The following DLG5 variants were observed in gnomAD, a reference collection of about 807,000 sequenced individuals.
DLG5 encodes discs large MAGUK scaffold protein 5, also known as disks large homolog 5.
A neutral mutation model predicts 189.8 loss-of-function variants in DLG5; 48 were observed. The observed-to-expected ratio is 0.25, with a 90% CI of 0.20 to 0.32. The LOEUF (loss-of-function observed/expected upper bound fraction) is 0.32. Ranked by LOEUF, DLG5 falls within the 10% of genes least tolerant of loss-of-function variation. The probability of loss-of-function intolerance (pLI) is 1.00; values close to 1 mark genes in which losing one functional copy is unlikely to be tolerated. For missense variants in DLG5, 2,160 were observed against 2,544.7 expected (o/e 0.85, Z 3.25); for synonymous variants, 1,016 against 1,054.1 (o/e 0.96, Z 0.70).
At position 77,833,995 on chromosome 10, in the gene DLG5, C is replaced by T; in HGVS notation, c.1667G>A (p.Ser556Asn). 2.5e-6 allele frequency: 4 copies of T among 1,609,018 alleles called. No homozygotes were observed. The highest frequency in any genetic ancestry group is 2.5e-6 in the Non-Finnish European group (3 of 1,179,962). The change falls in exon 9 of 32, where the codon AGC becomes AAC. Residue 556 changes from serine (S) to asparagine (N), a missense_variant. Ser to Asn is a conservative substitution (Grantham distance 46). Coordinates refer to ENST00000372391, the MANE Select transcript of DLG5 (RefSeq NM_004747.4). ...GCTGCGCAGGGCCTCAGCCAGCTCGCTCACCGCACGGTCCCGCTCCCGCCT... is the reference window on the plus strand; with the variant it reads ...GCTGCGCAGGGCCTCAGCCAGCTCGTTCACCGCACGGTCCCGCTCCCGCCT... ...NLRRERDRAV[S>N]ELAEALRSLD...
intron 2 of DLG5, chr10:77,868,664 T>G: frequency 4.5e-6 from 1 of 223,016 alleles, no homozygotes; most frequent in Non-Finnish European, 8.9e-6. Context: ...GAGAAACCAC[T>G]GCGGCCTTCC....
At chr10:77,893,903 T>C (rs925482403) in intron 1 of DLG5, among the ~76,000 whole-genome samples, 6 of 152,178 alleles carry the variant, frequency 3.9e-5, no homozygotes, top group Admixed American at 3.9e-4. Flanking sequence ...CACTCCCTAC[T>C]GTCTCCCTAC....
At chr10:77,887,777 A>G (rs899495055) in intron 1 of DLG5, among the ~76,000 whole-genome samples, 3 of 152,238 alleles carry the variant, frequency 2.0e-5, no homozygotes, top group Non-Finnish European at 4.4e-5. Context: ...ATCTATTTTT[A>G]AAGTCACGTT....
At chr10:77,829,625 G>A (rs1842807263) in intron 11 of DLG5, 95 bp from the exon 12 acceptor site, 1 of 1,417,234 alleles carries the variant, frequency 7.1e-7, no homozygotes, top group Admixed American at 2.2e-5. Flanking sequence ...CTGCCAAGGA[G>A]TGGGTGCCTC....
In DLG5 at chr10:77,853,371, G is replaced by A; in HGVS notation, c.847C>T (p.Arg283Cys). The A allele has an allele frequency of 2.5e-6, 4 of 1,575,150 alleles. No individual in the cohort carries two copies. The highest frequency in any genetic ancestry group is 1.3e-5 in the African/African-American group (1 of 74,514). Reference sequence around the variant, plus strand: ...GGGCCTACCTGCTGCTGCTGGGCACGGAGGTCACCGATCTCCTTCTGGTCC... The same window carrying A: ...GGGCCTACCTGCTGCTGCTGGGCACAGAGGTCACCGATCTCCTTCTGGTCC... ...EEDQKEIGDL[R>C]AQQQQVLKHN... is the part of the protein sequence containing the mutation. The change falls in exon 5 of 32, where the codon CGT (arginine) becomes TGT (cysteine). Residue 283 changes from arginine (R) to cysteine (C), a missense_variant. Transcript: ENST00000372391.
chr10:77,845,674 G>C (rs1225039028), intron 5 of DLG5, among the ~76,000 whole-genome samples: 1 of 150,880 alleles, frequency 6.6e-6, no homozygotes, highest in Non-Finnish European at 1.5e-5. Context: ...AGGAGGGAGG[G>C]AGAGAGGGAG....
In DLG5 at chr10:77,809,485, T is replaced by C. The variant is rs57363476; in HGVS notation, c.4647+62A>G. 5.7e-3 allele frequency: 8,656 copies of C among 1,525,514 alleles called. 421 individuals carry two copies. In the African/African-American group the frequency reaches 0.11, roughly 19 times the overall value. 94.5% of individuals were successfully genotyped at this position (1,525,514 alleles called of 1,614,324 possible). ...CCTCCGTCTTTGGTGCCACCTGAGA[T>C]GGCAGCAAGCCCACTGTGCAGGTAG... On this transcript the variant is annotated intron_variant, in intron 24 of 31. Coordinates refer to ENST00000372391, the MANE Select transcript of DLG5 (RefSeq NM_004747.4).
intron 6 of DLG5, 96 bp from the exon 7 acceptor site, chr10:77,842,289 A>G (rs1326891574): frequency 1.4e-6 from 2 of 1,424,652 alleles, no homozygotes; most frequent in South Asian, 1.3e-5. Flanking sequence ...ACTGTGCTGG[A>G]CAGTCAAGCG....
rs34954112 is a variant in DLG5, at chr10:77,926,038, G to A, written c.304+179C>T. 0.26 allele frequency among the ~76,000 whole-genome samples: 39,633 copies of A among 152,034 alleles called. 5,689 individuals are homozygous for A. The highest frequency in any genetic ancestry group is 0.39 in the Admixed American group (5,974 of 15,290). ...ATTGTTCACAGCGAACGGCGGGACT[G>A]GGGGAGGCGGCGGGACTTCGGGATC... On this transcript the variant is annotated intron_variant, in intron 1 of 31. Transcript: ENST00000372391. The surrounding 1 kb of genome is among the most constrained non-coding windows in gnomAD (Gnocchi z 5.2).
In DLG5 at chr10:77,815,790, T is replaced by C. The variant is rs189751139; in HGVS notation, c.4025+761A>G. The stretch of plus-strand genomic sequence containing the variant: ...CTTTTGGTGATTAAATAAAAGTAAG[T>C]TTATCAGAGCTCTTTAAGATCTACA... On this transcript the variant is annotated intron_variant, in intron 20 of 31. Coordinates refer to ENST00000372391, the MANE Select transcript of DLG5 (RefSeq NM_004747.4). 2.6e-4 allele frequency among the ~76,000 whole-genome samples: 39 copies of C among 152,294 alleles called. No homozygotes were observed. In the East Asian group the frequency reaches 6.4e-3, roughly 25 times the overall value.
intron 1 of DLG5, among the ~76,000 whole-genome samples, chr10:77,881,025 T>G (rs1845265962): frequency 7.6e-6 from 1 of 131,638 alleles, no homozygotes; most frequent in South Asian, 2.5e-4. Context: ...CAGGCTGGAG[T>G]GCAGTGGTGT....
chr10:77,816,311 G>C, intron 20 of DLG5: 1 of 705,030 alleles, frequency 1.4e-6, no homozygotes, highest in South Asian at 1.5e-5. Flanking sequence ...ATCACCGTCA[G>C]GTCATTTCCA....
At chr10:77,869,602 T>G (rs1186176621) in intron 1 of DLG5, 1 of 225,412 alleles carries the variant, frequency 4.4e-6, no homozygotes, top group Non-Finnish European at 8.6e-6. Context: ...AAAGAACAAC[T>G]GAACTATCTG....
chr10:77,887,312 C>A (rs1457996612), intron 1 of DLG5, among the ~76,000 whole-genome samples: 4 of 152,166 alleles, frequency 2.6e-5, no homozygotes, highest in Non-Finnish European at 5.9e-5. Context: ...GTCCTCAGTC[C>A]TCTCTGCCAT....
chr10:77,828,486 CAAAAAAAAAAAAA>C (rs34839290), intron 13 of DLG5, among the ~76,000 whole-genome samples: 8 of 66,494 alleles, frequency 1.2e-4, no homozygotes, highest in Non-Finnish European at 1.9e-4. Flanking sequence ...GACTCCATAT[CAAAAAAAAAAAAA>C]AAAAAAAAAA....
At chr10:77,861,911 A>G (rs776366429) in intron 2 of DLG5, among the ~76,000 whole-genome samples, 12 of 152,328 alleles carry the variant, frequency 7.9e-5, no homozygotes, top group Non-Finnish European at 1.3e-4. Context: ...ATCACACATC[A>G]GGCTCTCAGA....
chr10:77,825,489 G>A (rs974398984), intron 13 of DLG5, among the ~76,000 whole-genome samples: 1 of 151,826 alleles, frequency 6.6e-6, no homozygotes, highest in Non-Finnish European at 1.5e-5. Flanking sequence ...GCAGGGAGAA[G>A]AGTACATAGG....
chr10:77,805,072 G>C (rs1866436), intron 27 of DLG5, among the ~76,000 whole-genome samples: 100,250 of 152,016 alleles, frequency 0.66, 33,197 homozygotes, highest in East Asian at 0.74. Flanking sequence ...TGGGTTCAAG[G>C]GATTCTCCTG....
At chr10:77,869,037 G>C (rs1240572268) in intron 2 of DLG5, 92 bp downstream of exon 2, 6 of 1,023,872 alleles carry the variant, frequency 5.9e-6, no homozygotes, top group South Asian at 1.3e-5. Context: ...TGACAAGGGA[G>C]AACCAGCTTC....
Sources: gnomAD v4.1 joint callset for allele counts (sites outside exome capture counted in the v4.1 genomes callset) on GRCh38, gnomAD v4.1.1 for gene constraint, Gnocchi (gnomAD v3.1) non-coding constraint, MANE v1.5 for transcripts, NCBI Gene and HGNC (gene_info 2026-07-23, HGNC 2026-07-21) for gene names.